The following ERFE variants were observed in gnomAD, a reference collection of about 807,000 sequenced individuals.
The protein encoded by ERFE is complement C1q tumor necrosis factor-related protein 15.
Under a neutral mutation model 26.6 loss-of-function variants are expected in ERFE, and 25 were observed. The observed-to-expected ratio is 0.94, with a 90% CI of 0.69 to 1.31. The LOEUF is 1.31. Among genes scored for constraint, ERFE ranks in the 40% most tolerant of loss-of-function variants. ERFE has a pLI of 0.00. For missense variants in ERFE, 447 were observed against 440.2 expected (o/e 1.02, Z -0.14); for synonymous variants, 206 against 204.5 (o/e 1.01, Z -0.06).
At position 238,165,638 on chromosome 2, in the gene ERFE, GC is replaced by G. The variant is rs1312829142; in HGVS notation, c.921del (p.Ser307ArgfsTer9). ...GAGGCCATCATGGGCCTGGAGAGCA[GC>G]AGTGAGCTCTTCACCATCTCTGTGA... ...SLEAIMGLES[S>X]SELFTISVNG... On this transcript the variant is annotated frameshift_variant, in exon 7 of 8. Coordinates refer to ENST00000546354, the MANE Select transcript of ERFE (RefSeq NM_001291832.2). LOFTEE classifies it high-confidence loss of function. 1 of 1,549,520 alleles carries G rather than the reference GC, an allele frequency of 6.5e-7. No homozygotes were observed. Among genetic ancestry groups the G allele is most frequent in the African/African-American group, 1.4e-5 (1 of 73,056 alleles).
chr2:238,167,128 T>C lies in ERFE; in HGVS notation c.*74T>C, dbSNP rs1171342382. 3.5e-6 allele frequency: 5 copies of C among 1,446,772 alleles called. No homozygotes were observed. Among genetic ancestry groups the C allele is most frequent in the South Asian group, 1.2e-5 (1 of 82,292 alleles). 89.6% of individuals were successfully genotyped at this position (1,446,772 alleles called of 1,614,324 possible). A position where few individuals can be genotyped will look rare whatever the true frequency, so the allele number is the denominator to read the frequency against. ...AGACAATGTGTGGACAGTGTCAGAG[T>C]AGCAGTGGCCACATGGAGGAGGAGG... On this transcript the variant is annotated 3_prime_UTR_variant, in exon 8 of 8. Transcript: ENST00000546354.
intron 6 of ERFE, among the ~76,000 whole-genome samples, chr2:238,165,150 C>T (rs943315120): frequency 2.0e-5 from 3 of 152,242 alleles, no homozygotes; most frequent in African/African-American, 7.2e-5. Context: ...ACTGTGAGCT[C>T]CCTGTCTCCC....
Position 238,167,105 on chromosome 2 carries a change from A to C in ERFE, c.*51A>C, listed in dbSNP as rs1251860853. On this transcript the variant is annotated 3_prime_UTR_variant, in exon 8 of 8. Transcript: ENST00000546354. Reference sequence around the variant, plus strand: ...AGGGGCAAATGGAGCACAGATCTAGACAATGTGTGGACAGTGTCAGAGTAG... The same window carrying C: ...AGGGGCAAATGGAGCACAGATCTAGCCAATGTGTGGACAGTGTCAGAGTAG... 3 of 1,513,002 alleles carry C rather than the reference A, an allele frequency of 2.0e-6. No individual in the cohort carries two copies. The African/African-American group carries it at 4.1e-5, about 21-fold the overall frequency. 93.7% of individuals were successfully genotyped at this position (1,513,002 alleles called of 1,614,324 possible).
chr2:238,166,959 G>C lies in ERFE; in HGVS notation c.970G>C (p.Gly324Arg), dbSNP rs1356030476. Reference protein sequence around the residue: ...SVNGVLYLQMGQWTSVFLDNA... With the variant: ...SVNGVLYLQMRQWTSVFLDNA... ...CTCAAAGGCACCCTCCTTGCAGATG[G>C]GGCAGTGGACCTCCGTGTTCTTGGA... The change falls in exon 8 of 8, where the codon GGG (glycine) becomes CGG (arginine). Residue 324 changes from glycine to arginine, a missense_variant. By Grantham distance (125) the Gly-to-Arg change is moderately radical. Coordinates refer to ENST00000546354, the MANE Select transcript of ERFE (RefSeq NM_001291832.2). The C allele has an allele frequency of 6.5e-7, 1 of 1,550,384 alleles. No individual in the cohort carries two copies. The highest frequency in any genetic ancestry group is 1.4e-5 in the African/African-American group (1 of 73,178).
Position 238,167,588 on chromosome 2 carries a change from C to T in ERFE, c.*534C>T, listed in dbSNP as rs982660475. ...ACCACTCCCCTGGTCTCCATCTGGG[C>T]TCCTTGGTCTTCCCTGCCCCTCCCC... is the stretch of plus-strand genomic sequence containing the variant. On this transcript the variant is annotated 3_prime_UTR_variant, in exon 8 of 8. Coordinates refer to ENST00000546354, the MANE Select transcript of ERFE (RefSeq NM_001291832.2). The T allele has an allele frequency of 3.7e-5, 14 of 381,160 alleles. No homozygotes were observed. In the East Asian group the frequency reaches 8.0e-4, roughly 22 times the overall value. The allele number at this position is 381,160 out of a possible 1,614,324, so 23.6% of individuals were successfully genotyped here. A position where few individuals can be genotyped will look rare whatever the true frequency, so the allele number is the denominator to read the frequency against.
chr2:238,161,474 G>A (rs954142139), intron 1 of ERFE, 120 bp from the exon 2 acceptor site: 4 of 1,289,140 alleles, frequency 3.1e-6, no homozygotes, highest in Non-Finnish European at 4.1e-6. Flanking sequence ...GGCACCACAG[G>A]TGACAAGGAC....
In ERFE at chr2:238,168,640, T is replaced by C; in HGVS notation, c.*1586T>C. On this transcript the variant is annotated 3_prime_UTR_variant, in exon 8 of 8. Transcript: ENST00000546354. ...GGGAAAGGCCTGGTGCGATTCTCAGTAGGACTCACACCCACCCTACCTAGA... is the reference window on the plus strand; with the variant it reads ...GGGAAAGGCCTGGTGCGATTCTCAGCAGGACTCACACCCACCCTACCTAGA... 5.5e-6 allele frequency: 2 copies of C among 364,714 alleles called. No homozygotes were observed. Among genetic ancestry groups the C allele is most frequent in the South Asian group, 2.0e-5 (1 of 48,872 alleles). 22.6% of individuals were successfully genotyped at this position (364,714 alleles called of 1,614,324 possible). A position where few individuals can be genotyped will look rare whatever the true frequency, so the allele number is the denominator to read the frequency against.
intron 4 of ERFE, 28 bp downstream of exon 4, chr2:238,164,027 T>G: frequency 7.3e-7 from 1 of 1,374,746 alleles, no homozygotes; most frequent in East Asian, 3.1e-5. Flanking sequence ...GGAGGGCGGG[T>G]GAGTCCGGCC....
chr2:238,166,960 G>C lies in ERFE; in HGVS notation c.971G>C (p.Gly324Ala), dbSNP rs1047542380. 2 of 1,550,264 alleles carry C rather than the reference G, an allele frequency of 1.3e-6. No homozygotes were observed. Among genetic ancestry groups the C allele is most frequent in the Non-Finnish European group, 1.7e-6 (2 of 1,146,956 alleles). The change falls in exon 8 of 8, where the codon GGG becomes GCG. Residue 324 changes from glycine to alanine, a missense_variant. Gly to Ala is a moderately conservative substitution (Grantham distance 60). Transcript: ENST00000546354. ...TCAAAGGCACCCTCCTTGCAGATGG[G>C]GCAGTGGACCTCCGTGTTCTTGGAC... is the stretch of plus-strand genomic sequence containing the variant. Reference protein sequence around the residue: ...SVNGVLYLQMGQWTSVFLDNA... With the variant: ...SVNGVLYLQMAQWTSVFLDNA...
rs1336312568 is a variant in ERFE, at chr2:238,167,021, C to T, written c.1032C>T (p.Gly344=). The T allele has an allele frequency of 1.9e-6, 3 of 1,550,432 alleles. No individual in the cohort carries two copies. Among genetic ancestry groups the T allele is most frequent in the East Asian group, 4.9e-5 (2 of 40,934 alleles). Residue 344 remains glycine, a synonymous_variant, in exon 8 of 8, where the codon GGC becomes GGT. Coordinates refer to ENST00000546354, the MANE Select transcript of ERFE (RefSeq NM_001291832.2). ...ASGCSLTVRS[G]SHFSAVLLGV The stretch of plus-strand genomic sequence containing the variant: ...GCTGCTCCCTCACAGTGCGCAGTGG[C>T]TCCCACTTCAGTGCTGTCCTCCTGG...
At position 238,163,840 on chromosome 2, in the gene ERFE, G is replaced by GGACGAC; in HGVS notation, c.536_541dup (p.Asp179_Asp180dup). The GGACGAC allele has an allele frequency of 7.6e-7, 1 of 1,320,794 alleles. No homozygotes were observed. Among genetic ancestry groups the GGACGAC allele is most frequent in the South Asian group, 2.2e-5 (1 of 45,998 alleles). The allele number at this position is 1,320,794 out of a possible 1,614,324, so 81.8% of individuals were successfully genotyped here. On this transcript the variant is annotated inframe_insertion, in exon 4 of 8. Transcript: ENST00000546354. ...CCCCGGTCTCGGCCACCGCCGGGGAGGACGACGACGACGTGGTGGGGGACG... is the reference window on the plus strand; with the variant it reads ...CCCCGGTCTCGGCCACCGCCGGGGAGGACGACGACGACGACGACGTGGTGGGGGACG...
chr2:238,161,626 C>A lies in ERFE; in HGVS notation c.231C>A (p.Asp77Glu), dbSNP rs1692940247. 6.5e-7 allele frequency: 1 copy of A among 1,545,872 alleles called. No individual in the cohort carries two copies. The highest frequency in any genetic ancestry group is 8.7e-7 in the Non-Finnish European group (1 of 1,143,326). ...CCGCTGAGCGTGCACACAGCGTCGA[C>A]CCCCGGGACGCCTGGATGCTCTTCG... ...EPTAERAHSV[D>E]PRDAWMLFVR... Residue 77 changes from aspartate to glutamate, a missense_variant, in exon 2 of 8, where the codon GAC (aspartate) becomes GAA (glutamate). By Grantham distance (45) the Asp-to-Glu change is conservative. Coordinates refer to ENST00000546354, the MANE Select transcript of ERFE (RefSeq NM_001291832.2).
At chr2:238,166,747 C>T (rs866227601) in intron 7 of ERFE, among the ~76,000 whole-genome samples, 6 of 152,262 alleles carry the variant, frequency 3.9e-5, no homozygotes, top group Non-Finnish European at 8.8e-5. Context: ...AACTGTAGGG[C>T]GCTGCAGGGA....
chr2:238,164,394 A>C (rs1475323445), intron 6 of ERFE, 34 bp downstream of exon 6: 1 of 1,535,642 alleles, frequency 6.5e-7, no homozygotes, highest in African/African-American at 1.4e-5. Flanking sequence ...CCACACCCGC[A>C]TTCGCTCGGC....
At position 238,167,209 on chromosome 2, in the gene ERFE, C is replaced by G; in HGVS notation, c.*155C>G. 2.4e-6 allele frequency: 2 copies of G among 820,194 alleles called. No individual in the cohort carries two copies. Among genetic ancestry groups the G allele is most frequent in the South Asian group, 2.9e-5 (2 of 69,320 alleles). The allele number at this position is 820,194 out of a possible 1,614,324, so 50.8% of individuals were successfully genotyped here. On this transcript the variant is annotated 3_prime_UTR_variant, in exon 8 of 8. Transcript: ENST00000546354. ...TGCAGTTCAGCCCACAGAGCCACTG[C>G]AGGCAGGCCTACGGACGTGACACGC...
rs1473776112 is a variant in ERFE at position 238,164,261 on chromosome 2, C to T, written c.797-9C>T. On this transcript the variant is annotated splice_polypyrimidine_tract_variant and intron_variant, in intron 5 of 7. Transcript: ENST00000546354. ...CGCCCGCTTGACCACGTCCCACCCT[C>T]CCCCGCAGCGCTCGGGGAGCCGCCG... is the stretch of plus-strand genomic sequence containing the variant. The T allele has an allele frequency of 1.3e-6, 2 of 1,500,520 alleles. No individual in the cohort carries two copies. The highest frequency in any genetic ancestry group is 1.8e-6 in the Non-Finnish European group (2 of 1,131,844). 93.0% of individuals were successfully genotyped at this position (1,500,520 alleles called of 1,614,324 possible). A position where few individuals can be genotyped will look rare whatever the true frequency, so the allele number is the denominator to read the frequency against.
rs1693022036 is a variant in ERFE, at chr2:238,165,632, A to T, written c.914A>T (p.Glu305Val). ...NASLEAIMGL[E>V]SSSELFTISV... ...TCCCTGGAGGCCATCATGGGCCTGGAGAGCAGCAGTGAGCTCTTCACCATC... is the reference window on the plus strand; with the variant it reads ...TCCCTGGAGGCCATCATGGGCCTGGTGAGCAGCAGTGAGCTCTTCACCATC... The change falls in exon 7 of 8, where the codon GAG (glutamate) becomes GTG (valine). Residue 305 changes from glutamate (E) to valine (V), a missense_variant. Physicochemically the swap from Glu to Val is moderately radical, Grantham distance 121. Coordinates refer to ENST00000546354, the MANE Select transcript of ERFE (RefSeq NM_001291832.2). 1 of 1,549,240 alleles carries T rather than the reference A, an allele frequency of 6.5e-7. No homozygotes were observed. The highest frequency in any genetic ancestry group is 2.4e-5 in the East Asian group (1 of 40,868).
Position 238,163,812 on chromosome 2 carries a change from T to C in ERFE, c.500T>C (p.Leu167Pro). 7.5e-7 allele frequency: 1 copy of C among 1,336,934 alleles called. No homozygotes were observed. Among genetic ancestry groups the C allele is most frequent in the Non-Finnish European group, 9.5e-7 (1 of 1,050,194 alleles). 82.8% of individuals were successfully genotyped at this position (1,336,934 alleles called of 1,614,324 possible). A position where few individuals can be genotyped will look rare whatever the true frequency, so the allele number is the denominator to read the frequency against. Reference protein sequence around the residue: ...CGPAGPVAASLAPVSATAGED... With the variant: ...CGPAGPVAASPAPVSATAGED... ...CCCGCCGGGCCGGTCGCTGCGAGCC[T>C]CGCCCCGGTCTCGGCCACCGCCGGG... The change falls in exon 4 of 8, where the codon CTC becomes CCC. Residue 167 changes from leucine to proline, a missense_variant. Transcript: ENST00000546354.
In ERFE at chr2:238,164,340, G is replaced by A; in HGVS notation, c.867G>A (p.Gln289=). Residue 289 remains glutamine, a synonymous_variant, in exon 6 of 8, where the codon CAG becomes CAA. Coordinates refer to ENST00000546354, the MANE Select transcript of ERFE (RefSeq NM_001291832.2). ...RDHLRLLICI[Q]SRCQRNASLE... ...ACCTGCGCCTGCTCATCTGCATCCA[G>A]TCCCGGTGCCAGCGCAACGCGTGAG... The A allele has an allele frequency of 1.3e-6, 2 of 1,541,358 alleles. No individual in the cohort carries two copies. The highest frequency in any genetic ancestry group is 1.8e-4 in the Middle Eastern group (1 of 5,562).
Sources: gnomAD v4.1 joint callset for allele counts (sites outside exome capture counted in the v4.1 genomes callset) on GRCh38, gnomAD v4.1.1 for gene constraint, MANE v1.5 for transcripts, NCBI Gene and HGNC (gene_info 2026-07-23, HGNC 2026-07-21) for gene names.